The following TNS3 variants were observed in gnomAD, a reference collection of about 807,000 sequenced individuals.
TNS3 encodes tensin-3.
Under a neutral mutation model 140.9 loss-of-function variants are expected in TNS3, and 45 were observed. The observed-to-expected ratio is 0.32, with a 90% CI of 0.25 to 0.41. The LOEUF (loss-of-function observed/expected upper bound fraction) is 0.41. Ranked by LOEUF, TNS3 falls within the 10% of genes least tolerant of loss-of-function variation. TNS3 has a pLI of 1.00. For missense variants in TNS3, 1,716 were observed against 1,906.7 expected, an observed-to-expected ratio of 0.90 and a Z score of 1.86; for synonymous variants, 815 against 788.4, an observed-to-expected ratio of 1.03 and a Z score of -0.56.
At position 47,389,109 on chromosome 7, in the gene TNS3, C is replaced by CAGAAGAAGAAGAAGAAGAAGA. The variant is rs140799405; in HGVS notation, c.1024+7670_1024+7690dup. On this transcript the variant is annotated intron_variant, in intron 16 of 30. Transcript: ENST00000311160. The stretch of plus-strand genomic sequence containing the variant: ...GAGGAAGAGGAAGAGGAAGCGGAAG[C>CAGAAGAAGAAGAAGAAGAAGA]AGAAGAAGAAGAAGAAGAAGAAGAA... 4.1e-4 allele frequency among the ~76,000 whole-genome samples: 24 copies of CAGAAGAAGAAGAAGAAGAAGA among 59,136 alleles called. 4 individuals carry two copies. The highest frequency in any genetic ancestry group is 1.2e-3 in the Admixed American group (7 of 5,910). 38.8% of individuals were successfully genotyped at this position (59,136 alleles called of 152,430 possible).
At chr7:47,323,127 A>G (rs1218010372) in intron 20 of TNS3, among the ~76,000 whole-genome samples, 1 of 152,180 alleles carries the variant, frequency 6.6e-6, no homozygotes, top group East Asian at 1.9e-4. Flanking sequence ...CCCAGTCCCC[A>G]GTTGCTTTTT....
Position 47,525,726 on chromosome 7 carries a change from G to T in TNS3, c.-153+3310C>A, listed in dbSNP as rs754708609. Among the ~76,000 whole-genome samples, 6 of 152,030 alleles carry T rather than the reference G, an allele frequency of 3.9e-5. No homozygotes were observed. In the South Asian group the frequency reaches 1.2e-3, roughly 31 times the overall value. ...CACACACATGCAATCACAGGTGTGT[G>T]CACTGCTTGTCCTCATATGCATGAA... On this transcript the variant is annotated intron_variant, in intron 2 of 30. Coordinates refer to ENST00000311160, the MANE Select transcript of TNS3 (RefSeq NM_022748.12).
At chr7:47,468,442 A>AAAATAAAT (rs58936286) in intron 4 of TNS3, among the ~76,000 whole-genome samples, 19,877 of 151,028 alleles carry the variant, frequency 0.13, 1,910 homozygotes, top group African/African-American at 0.26. Flanking sequence ...ATCTGTCTCA[A>AAAATAAAT]AAATAAATAA....
chr7:47,534,682 ACTGT>A (rs1799539294), intron 1 of TNS3, among the ~76,000 whole-genome samples: 1 of 152,200 alleles, frequency 6.6e-6, no homozygotes, highest in Non-Finnish European at 1.5e-5. Context: ...CATTTAAGGT[ACTGT>A]TATTATGTAG....
intron 21 of TNS3, among the ~76,000 whole-genome samples, 178 bp from the exon 22 acceptor site, chr7:47,303,762 G>A (rs530874308): frequency 9.8e-5 from 15 of 152,334 alleles, no homozygotes; most frequent in African/African-American, 3.6e-4. Context: ...AGCTCACGCT[G>A]CCTGCCTTTC....
At chr7:47,425,321 C>T (rs888823860) in intron 9 of TNS3, among the ~76,000 whole-genome samples, 2 of 150,584 alleles carry the variant, frequency 1.3e-5, no homozygotes, top group African/African-American at 2.5e-5. Context: ...CATCTCAAAA[C>T]AACAACAACA....
Position 47,527,410 on chromosome 7 carries a change from C to T in TNS3, c.-153+1626G>A, listed in dbSNP as rs151237621. The stretch of plus-strand genomic sequence containing the variant: ...ACAGAGGGGCTGCTGTATTTGCCCA[C>T]AGACATTTTAGAGCAAGCTTGATGG... On this transcript the variant is annotated intron_variant, in intron 2 of 30. Coordinates refer to ENST00000311160, the MANE Select transcript of TNS3 (RefSeq NM_022748.12). Among the ~76,000 whole-genome samples the T allele has an allele frequency of 2.4e-3, 359 of 152,280 alleles. 1 individual carries two copies. Among genetic ancestry groups the T allele is most frequent in the Middle Eastern group, 0.017 (5 of 294 alleles).
chr7:47,378,485 T>C (rs965151768), intron 16 of TNS3, among the ~76,000 whole-genome samples: 7 of 152,140 alleles, frequency 4.6e-5, no homozygotes, highest in Non-Finnish European at 8.8e-5. Context: ...TGCGACTTTA[T>C]GGCCAAGCTG....
At chr7:47,538,776 T>G (rs1414467262) in intron 1 of TNS3, among the ~76,000 whole-genome samples, 3 of 152,194 alleles carry the variant, frequency 2.0e-5, no homozygotes, top group African/African-American at 7.2e-5. Flanking sequence ...GCAGGCATTC[T>G]CATTTCCCCC....
At chr7:47,446,837 C>A (rs966617165) in intron 4 of TNS3, among the ~76,000 whole-genome samples, 3 of 151,082 alleles carry the variant, frequency 2.0e-5, no homozygotes, top group African/African-American at 7.3e-5. Context: ...GGACTACATG[C>A]ATGTACCACC....
At chr7:47,506,833 C>A (rs1330122566) in intron 3 of TNS3, 74 bp downstream of exon 3, 4 of 1,149,882 alleles carry the variant, frequency 3.5e-6, no homozygotes, top group African/African-American at 3.2e-5. Flanking sequence ...CCAAAGAGGC[C>A]CCCCCACACA....
intron 20 of TNS3, among the ~76,000 whole-genome samples, chr7:47,328,129 C>G (rs1447291108): frequency 6.6e-6 from 1 of 152,158 alleles, no homozygotes; most frequent in Non-Finnish European, 1.5e-5. Flanking sequence ...CCCACCCACC[C>G]AGGCAGGGCT....
intron 3 of TNS3, among the ~76,000 whole-genome samples, chr7:47,495,449 T>C (rs1584770618): frequency 6.6e-6 from 1 of 152,066 alleles, no homozygotes; most frequent in African/African-American, 2.4e-5. Flanking sequence ...GGAAGTATGG[T>C]GGGCACAGGG....
At chr7:47,522,865 T>C (rs1250269991) in intron 2 of TNS3, among the ~76,000 whole-genome samples, 1 of 150,802 alleles carries the variant, frequency 6.6e-6, no homozygotes, top group African/African-American at 2.4e-5. Context: ...GAGGCAGAGC[T>C]TGCTGTGAGC....
At chr7:47,434,526 G>A (rs1024909472) in intron 8 of TNS3, among the ~76,000 whole-genome samples, 3 of 152,122 alleles carry the variant, frequency 2.0e-5, no homozygotes, top group Non-Finnish European at 2.9e-5. Context: ...CTGGCAGGAG[G>A]GTTAAGCTTC....
intron 4 of TNS3, among the ~76,000 whole-genome samples, chr7:47,459,874 CA>C (rs1159513318): frequency 1.3e-5 from 2 of 152,074 alleles, no homozygotes; most frequent in Non-Finnish European, 2.9e-5. Context: ...CACAAACATC[CA>C]TATGTTGAAG....
intron 28 of TNS3, among the ~76,000 whole-genome samples, chr7:47,281,093 C>A (rs903080227): frequency 4.6e-5 from 7 of 152,278 alleles, no homozygotes; most frequent in South Asian, 4.1e-4. Context: ...ACCAGCCCAC[C>A]CCTTCCACAG....
intron 20 of TNS3, among the ~76,000 whole-genome samples, chr7:47,320,908 T>C (rs1787698973): frequency 6.6e-6 from 1 of 152,204 alleles, no homozygotes. Flanking sequence ...AGTTAGGGCA[T>C]GAAAGGTGTT....
At chr7:47,287,565 C>T (rs1785484871) in intron 27 of TNS3, among the ~76,000 whole-genome samples, 1 of 152,154 alleles carries the variant, frequency 6.6e-6, no homozygotes, top group Admixed American at 6.5e-5. Flanking sequence ...ATAATTCCAC[C>T]GTCTTGCTAC....
Sources: gnomAD v4.1 joint callset for allele counts (sites outside exome capture counted in the v4.1 genomes callset) on GRCh38, gnomAD v4.1.1 for gene constraint, MANE v1.5 for transcripts, NCBI Gene and HGNC (gene_info 2026-07-23, HGNC 2026-07-21) for gene names.